OTOGL: variants seen among roughly 807,000 people sequenced by gnomAD.
OTOGL encodes otogelin-like protein.
Under a neutral mutation model 318.5 loss-of-function variants are expected in OTOGL, and 285 were observed. That is an observed-to-expected ratio of 0.89 (90% CI 0.81 to 0.99). The LOEUF (loss-of-function observed/expected upper bound fraction) is 0.99, where lower values mean the gene tolerates loss of function less well. Among genes scored for constraint, OTOGL ranks in the 50% least tolerant of loss-of-function variants. The pLI, the probability that OTOGL is intolerant of heterozygous loss-of-function variation, is 0.00. For synonymous variants in OTOGL, 987 were observed against 936.5 expected (o/e 1.05, Z -0.99); for missense variants, 2,899 against 2,845.6 (o/e 1.02, Z -0.43).
At position 80,188,537 on chromosome 12, in the gene OTOGL, CA is replaced by C. The variant is rs1188831194; in HGVS notation, c.-19-20866del. 1.5e-3 allele frequency among the ~76,000 whole-genome samples: 220 copies of C among 144,864 alleles called. 2 individuals are homozygous for C. The highest frequency in any genetic ancestry group is 5.5e-3 in the African/African-American group (214 of 39,264). ...TGGGCGACAGAGTGAGACTCTGTCT[CA>C]AAAAAAAAATAATAATAATAATAAT... On this transcript the variant is annotated intron_variant, in intron 1 of 58. Coordinates refer to ENST00000547103, the MANE Select transcript of OTOGL (RefSeq NM_001378609.3).
chr12:80,111,420 T>C (rs915612723), intron 1 of OTOGL, among the ~76,000 whole-genome samples: 1 of 152,356 alleles, frequency 6.6e-6, no homozygotes, highest in African/African-American at 2.4e-5. Context: ...GAGTTGATTT[T>C]TGTATAAGGT....
intron 1 of OTOGL, among the ~76,000 whole-genome samples, chr12:80,109,919 C>T (rs1233869742): frequency 6.6e-6 from 1 of 152,060 alleles, no homozygotes; most frequent in African/African-American, 2.4e-5. Context: ...CTTACACACT[C>T]TTATAATACT....
At chr12:80,362,189 G>A (rs1008452496) in intron 52 of OTOGL, among the ~76,000 whole-genome samples, 1 of 152,128 alleles carries the variant, frequency 6.6e-6, no homozygotes, top group African/African-American at 2.4e-5. Flanking sequence ...AATATAATTT[G>A]TCTGCATGCG....
intron 6 of OTOGL, 124 bp downstream of exon 6, chr12:80,220,036 C>A: frequency 1.4e-6 from 1 of 721,478 alleles, no homozygotes; most frequent in Non-Finnish European, 2.2e-6. Flanking sequence ...ACAATTCATT[C>A]TCAGTAATTT....
intron 1 of OTOGL, among the ~76,000 whole-genome samples, chr12:80,172,721 A>G (rs907830244): frequency 2.0e-5 from 3 of 152,146 alleles, no homozygotes; most frequent in African/African-American, 7.2e-5. Context: ...GAACGAGATC[A>G]TATCCTTTGC....
intron 58 of OTOGL, 82 bp downstream of exon 58, chr12:80,377,284 C>A: frequency 2.0e-6 from 2 of 986,466 alleles, no homozygotes; most frequent in Non-Finnish European, 1.5e-6. Flanking sequence ...AGTTTGTAAG[C>A]CAACAAACTG....
rs146893184 is a variant in OTOGL, at chr12:80,264,978, A to G, written c.2015-23A>G. 225 of 1,609,506 alleles carry G rather than the reference A, an allele frequency of 1.4e-4. 3 individuals are homozygous for G. In the East Asian group the frequency reaches 5.0e-3, roughly 36 times the overall value. ...GGTAAGATCTGAACTGTTAAATAAG[A>G]TGCTAATTGGGCTCTTTGTTAGTTG... On this transcript the variant is annotated intron_variant, in intron 19 of 58. Transcript: ENST00000547103.
At chr12:80,175,621 T>C (rs1020237938) in intron 1 of OTOGL, among the ~76,000 whole-genome samples, 2 of 152,192 alleles carry the variant, frequency 1.3e-5, no homozygotes, top group African/African-American at 2.4e-5. Flanking sequence ...TCAGGTTCTA[T>C]ATAAGCTTTT....
intron 1 of OTOGL, among the ~76,000 whole-genome samples, chr12:80,167,984 CTCTCT>C (rs941321641): frequency 4.6e-5 from 7 of 151,550 alleles, no homozygotes; most frequent in South Asian, 2.1e-4. Context: ...CTCTCTTCTC[CTCTCT>C]TCTCTTCTCT....
At chr12:80,200,740 G>C (rs1305125169) in intron 1 of OTOGL, among the ~76,000 whole-genome samples, 1 of 152,144 alleles carries the variant, frequency 6.6e-6, no homozygotes, top group African/African-American at 2.4e-5. Flanking sequence ...AATTTGTTCA[G>C]TCAACAAATA....
At chr12:80,340,689 C>T (rs1040186918) in intron 43 of OTOGL, among the ~76,000 whole-genome samples, 1 of 152,080 alleles carries the variant, frequency 6.6e-6, no homozygotes, top group Non-Finnish European at 1.5e-5. Context: ...AAAGGGAAAT[C>T]TGGGTACTGT....
chr12:80,237,675 C>A (rs1270847103), intron 9 of OTOGL, among the ~76,000 whole-genome samples: 1 of 152,120 alleles, frequency 6.6e-6, no homozygotes, highest in Admixed American at 6.5e-5. Flanking sequence ...GGGCCCAGCT[C>A]ATGCAAAGTC....
chr12:80,144,900 GTTGT>G (rs1276951008), intron 1 of OTOGL, among the ~76,000 whole-genome samples: 3 of 151,418 alleles, frequency 2.0e-5, no homozygotes, highest in Non-Finnish European at 3.0e-5. Flanking sequence ...TTTTGATGGG[GTTGT>G]TTGTTTTTTT....
chr12:80,294,097 C>T (rs1350514405), intron 26 of OTOGL, among the ~76,000 whole-genome samples: 3 of 152,010 alleles, frequency 2.0e-5, no homozygotes, highest in African/African-American at 4.8e-5. Flanking sequence ...TTGATGTTGA[C>T]CTTTTTCCTC....
At chr12:80,101,677 G>GT (rs200494209) in intron 1 of OTOGL, among the ~76,000 whole-genome samples, 42 of 151,954 alleles carry the variant, frequency 2.8e-4, no homozygotes, top group African/African-American at 8.4e-4. Flanking sequence ...TGTAAAAGCA[G>GT]TTTTTTTTAA....
At chr12:80,375,488 A>G (rs532507423) in intron 57 of OTOGL, among the ~76,000 whole-genome samples, 2 of 152,322 alleles carry the variant, frequency 1.3e-5, no homozygotes, top group South Asian at 2.1e-4. Flanking sequence ...TCATTTAGTG[A>G]TGAGTGGTAT....
At chr12:80,247,335 A>G (rs1316414213) in intron 11 of OTOGL, among the ~76,000 whole-genome samples, 1 of 142,494 alleles carries the variant, frequency 7.0e-6, no homozygotes, top group Non-Finnish European at 1.5e-5. Flanking sequence ...ACTGCTTTGA[A>G]TGCGTCCCAG....
At chr12:80,228,039 T>C (rs1879029130) in intron 7 of OTOGL, among the ~76,000 whole-genome samples, 1 of 152,208 alleles carries the variant, frequency 6.6e-6, no homozygotes, top group African/African-American at 2.4e-5. Flanking sequence ...CTCTGTTGAC[T>C]GCTCTATCCC....
chr12:80,122,516 G>T (rs1246869254), intron 1 of OTOGL, among the ~76,000 whole-genome samples: 2 of 152,158 alleles, frequency 1.3e-5, no homozygotes, highest in Non-Finnish European at 2.9e-5. Context: ...CTCTTATCTG[G>T]TTAAGTTGTG....
Sources: gnomAD v4.1 joint callset for allele counts (sites outside exome capture counted in the v4.1 genomes callset) on GRCh38, gnomAD v4.1.1 for gene constraint, MANE v1.5 for transcripts, NCBI Gene and HGNC (gene_info 2026-07-23, HGNC 2026-07-21) for gene names.